The following CDK13 variants were observed in gnomAD, a reference collection of about 807,000 sequenced individuals.
The protein encoded by CDK13 is cyclin-dependent kinase 13.
A neutral mutation model predicts 137.6 loss-of-function variants in CDK13; 40 were observed. The ratio of observed to expected loss-of-function variants is 0.29; its 90% CI spans 0.23 to 0.38. The LOEUF is 0.38. CDK13 is among the 10% of genes least tolerant of loss of function. The probability of loss-of-function intolerance (pLI) is 1.00; values close to 1 mark genes in which losing one functional copy is unlikely to be tolerated. For missense variants in CDK13, 1,704 were observed against 1,951.8 expected (o/e 0.87, Z 2.39); for synonymous variants, 869 against 760.1 (o/e 1.14, Z -2.36).
At chr7:40,031,551 C>T (rs369021676) in intron 5 of CDK13, among the ~76,000 whole-genome samples, 17 of 152,226 alleles carry the variant, frequency 1.1e-4, no homozygotes, top group South Asian at 4.2e-4. Context: ...TGATATTAAG[C>T]ATTTTTTCAC....
At chr7:40,031,343 G>A (rs1387185977) in intron 5 of CDK13, among the ~76,000 whole-genome samples, 1 of 152,082 alleles carries the variant, frequency 6.6e-6, no homozygotes, top group Non-Finnish European at 1.5e-5. Flanking sequence ...CCAACATGGT[G>A]AAACCTGGTC....
intron 1 of CDK13, among the ~76,000 whole-genome samples, chr7:39,983,701 A>G (rs760964910): frequency 6.6e-6 from 1 of 152,194 alleles, no homozygotes; most frequent in Non-Finnish European, 1.5e-5. Context: ...ACTCATCAGT[A>G]TCTGATCAGG....
At chr7:40,011,892 G>A (rs1784902301) in intron 5 of CDK13, among the ~76,000 whole-genome samples, 1 of 152,088 alleles carries the variant, frequency 6.6e-6, no homozygotes, top group Admixed American at 6.5e-5. Flanking sequence ...ATCTTATAAG[G>A]AACTTGTATC....
At chr7:40,040,316 A>G (rs937703084) in intron 5 of CDK13, among the ~76,000 whole-genome samples, 1 of 152,236 alleles carries the variant, frequency 6.6e-6, no homozygotes, top group Non-Finnish European at 1.5e-5. Flanking sequence ...CACTGAATTG[A>G]TATGCCATCT....
chr7:40,026,518 TA>T (rs1785247267), intron 5 of CDK13, among the ~76,000 whole-genome samples: 1 of 152,160 alleles, frequency 6.6e-6, no homozygotes, highest in Admixed American at 6.6e-5. Context: ...GCCTCAGAAA[TA>T]AATAAATAAC....
intron 7 of CDK13, among the ~76,000 whole-genome samples, chr7:40,054,598 T>C (rs919751603): frequency 3.3e-5 from 5 of 152,116 alleles, no homozygotes; most frequent in Admixed American, 6.6e-5. Flanking sequence ...ACCCAGCGAA[T>C]TTTTGTAATT....
At chr7:40,012,566 C>T (rs1397051984) in intron 5 of CDK13, among the ~76,000 whole-genome samples, 2 of 152,038 alleles carry the variant, frequency 1.3e-5, no homozygotes, top group African/African-American at 4.8e-5. Flanking sequence ...CTCCATTGCA[C>T]TTCAGCCTGG....
chr7:39,953,558 T>C (rs1366031076), intron 1 of CDK13, among the ~76,000 whole-genome samples: 1 of 152,214 alleles, frequency 6.6e-6, no homozygotes, highest in Non-Finnish European at 1.5e-5. Context: ...TCGTGGTATG[T>C]ATGACTAGGA....
intron 5 of CDK13, among the ~76,000 whole-genome samples, chr7:40,039,627 T>G (rs1584025284): frequency 6.6e-6 from 1 of 151,960 alleles, no homozygotes; most frequent in East Asian, 1.9e-4. Context: ...AGAGAGAGTT[T>G]CACCATGTTG....
rs546795290 is a variant in CDK13 at position 40,012,772 on chromosome 7, C to T, written c.2353+10741C>T. 2.0e-4 allele frequency among the ~76,000 whole-genome samples: 31 copies of T among 151,466 alleles called. No individual in the cohort carries two copies. In the South Asian group the frequency reaches 6.1e-3, roughly 30 times the overall value. On this transcript the variant is annotated intron_variant, in intron 5 of 13. Transcript: ENST00000181839. Reference sequence around the variant, plus strand: ...ACTAAAAATACAAAAATCAGCTGGGCGCAGTGGTGGGCGCCTGTAATCCCA... The same window carrying T: ...ACTAAAAATACAAAAATCAGCTGGGTGCAGTGGTGGGCGCCTGTAATCCCA...
chr7:39,981,138 G>A (rs1784213843), intron 1 of CDK13, among the ~76,000 whole-genome samples: 1 of 152,144 alleles, frequency 6.6e-6, no homozygotes, highest in Non-Finnish European at 1.5e-5. Context: ...AGGCCAAAGT[G>A]GACAGATCAC....
At position 39,992,070 on chromosome 7, in the gene CDK13, TACACACACAC is replaced by T. The variant is rs148046155; in HGVS notation, c.1871+3837_1871+3846del. 5.2e-3 allele frequency among the ~76,000 whole-genome samples: 767 copies of T among 147,048 alleles called. 3 individuals are homozygous for T. The highest frequency in any genetic ancestry group is 6.7e-3 in the Non-Finnish European group (451 of 66,892). On this transcript the variant is annotated intron_variant, in intron 2 of 13. Coordinates refer to ENST00000181839, the MANE Select transcript of CDK13 (RefSeq NM_003718.5). ...CTGTCTCAAAAAAAGGAAAAAATTA[TACACACACAC>T]ACACACACACACACACACACACACG...
Position 39,988,045 on chromosome 7 carries a change from T to C in CDK13, c.1658T>C (p.Ile553Thr), listed in dbSNP as rs767473614. The stretch of plus-strand genomic sequence containing the variant: ...GTAACGAAGGTGGAAAATAATTTGA[T>C]TGTAGATAAAGCCACCAAGAAAGCA... ...LQVTKVENNL[I>T]VDKATKKAVI... The change falls in exon 2 of 14, where the codon ATT (isoleucine) becomes ACT (threonine). Residue 553 changes from isoleucine to threonine, a missense_variant. Ile to Thr is a moderately conservative substitution (Grantham distance 89, BLOSUM62 -1). This residue lies in a region of CDK13 where 1,051 missense variants were observed against 931.0 expected (regional missense o/e 1.13). Coordinates refer to ENST00000181839, the MANE Select transcript of CDK13 (RefSeq NM_003718.5). 6.2e-7 allele frequency: 1 copy of C among 1,613,994 alleles called. No individual in the cohort carries two copies. Among genetic ancestry groups the C allele is most frequent in the South Asian group, 1.1e-5 (1 of 91,042 alleles).
chr7:40,084,674 A>G (rs1786745971), intron 11 of CDK13, among the ~76,000 whole-genome samples: 1 of 152,214 alleles, frequency 6.6e-6, no homozygotes, highest in Non-Finnish European at 1.5e-5. Context: ...CACAATAATG[A>G]TTTGATGGAA....
intron 1 of CDK13, among the ~76,000 whole-genome samples, chr7:39,954,753 T>C (rs1170446205): frequency 6.6e-6 from 1 of 152,208 alleles, no homozygotes; most frequent in Non-Finnish European, 1.5e-5. Flanking sequence ...CAAAATAGTA[T>C]TGAAATCGTG....
At chr7:40,006,958 C>A (rs1291521439) in intron 5 of CDK13, among the ~76,000 whole-genome samples, 1 of 152,048 alleles carries the variant, frequency 6.6e-6, no homozygotes, top group Non-Finnish European at 1.5e-5. Context: ...CTCTTCTGCC[C>A]TACCCTCAAA....
chr7:40,000,345 G>A (rs1315892390), intron 4 of CDK13, among the ~76,000 whole-genome samples: 1 of 152,032 alleles, frequency 6.6e-6, no homozygotes, highest in Admixed American at 6.6e-5. Context: ...CAGCCTGAGC[G>A]ACAGAGCGAG....
chr7:40,002,071 T>C, intron 5 of CDK13, 40 bp downstream of exon 5: 7 of 1,454,248 alleles, frequency 4.8e-6, no homozygotes, highest in Non-Finnish European at 5.6e-6. Context: ...TTTGTATTCA[T>C]GATTGATGTT....
At chr7:39,953,663 C>T (rs3847018) in intron 1 of CDK13, among the ~76,000 whole-genome samples, 1 of 151,908 alleles carries the variant, frequency 6.6e-6, no homozygotes, top group Non-Finnish European at 1.5e-5. Flanking sequence ...AGTTACTTGC[C>T]CTCATAGAGC....
Sources: allele counts gnomAD v4.1 joint callset (sites outside exome capture counted in the v4.1 genomes callset), GRCh38; gene constraint gnomAD v4.1.1; regional missense constraint gnomAD v4.1.1; transcripts MANE v1.5; gene names NCBI Gene and HGNC (gene_info 2026-07-23, HGNC 2026-07-21).